RGS12: variants seen among roughly 807,000 people sequenced by gnomAD.
RGS12 encodes regulator of G-protein signaling 12.
A neutral mutation model predicts 120.1 loss-of-function variants in RGS12; 66 were observed. The observed-to-expected ratio is 0.55, with a 90% confidence interval of 0.45 to 0.67. The LOEUF (loss-of-function observed/expected upper bound fraction) is 0.67, where lower values mean the gene tolerates loss of function less well. Ranked by LOEUF, RGS12 falls within the 30% of genes least tolerant of loss-of-function variation. The pLI is 0.00. For synonymous variants in RGS12, 827 were observed against 804.7 expected (o/e 1.03, Z -0.47); for missense variants, 1,859 against 1,957.7 (o/e 0.95, Z 0.95).
At chr4:3,423,329 A>G (rs1488767945) in intron 12 of RGS12, among the ~76,000 whole-genome samples, 186 bp from the exon 13 acceptor site, 1 of 152,224 alleles carries the variant, frequency 6.6e-6, no homozygotes, top group Non-Finnish European at 1.5e-5. Context: ...GGAGGAGACC[A>G]TAGCCCTTGC....
intron 4 of RGS12, among the ~76,000 whole-genome samples, chr4:3,412,588 G>A (rs752030487): frequency 2.0e-5 from 3 of 152,232 alleles, no homozygotes; most frequent in Admixed American, 6.5e-5. Flanking sequence ...CTTATCCTGC[G>A]CACCGTGCCA....
At chr4:3,429,995 G>A (rs1330291969) in intron 16 of RGS12, among the ~76,000 whole-genome samples, 3 of 152,184 alleles carry the variant, frequency 2.0e-5, no homozygotes, top group African/African-American at 4.8e-5. Flanking sequence ...GGACCCGGGC[G>A]GGTGCTTCAG....
intron 3 of RGS12, among the ~76,000 whole-genome samples, chr4:3,384,258 G>A (rs1718579261): frequency 6.6e-6 from 1 of 152,094 alleles, no homozygotes. Flanking sequence ...GGGTTCAAGC[G>A]ATTCTCCTGC....
chr4:3,407,881 T>C (rs1721329249), intron 4 of RGS12, among the ~76,000 whole-genome samples: 1 of 152,344 alleles, frequency 6.6e-6, no homozygotes, highest in East Asian at 1.9e-4. Flanking sequence ...CACCAATATA[T>C]ACATGGCGGC....
chr4:3,439,889 C>A lies in RGS12; in HGVS notation c.*205C>A. ...TCCCTGGCCCTGGCCTCCTGCTGCC[C>A]AATAAAGCATTTCTGAGGACCCAAG... On this transcript the variant is annotated 3_prime_UTR_variant, in exon 18 of 18. Coordinates refer to ENST00000336727, the MANE Select transcript of RGS12 (RefSeq NM_001394154.1). The A allele has an allele frequency of 1.9e-6, 1 of 521,076 alleles. No homozygotes were observed. The highest frequency in any genetic ancestry group is 3.3e-6 in the Non-Finnish European group (1 of 303,462). 32.3% of individuals were successfully genotyped at this position (521,076 alleles called of 1,614,324 possible). A position where few individuals can be genotyped will look rare whatever the true frequency, so the allele number is the denominator to read the frequency against.
chr4:3,308,345 A>C (rs1171968984), intron 1 of RGS12, among the ~76,000 whole-genome samples: 1 of 152,258 alleles, frequency 6.6e-6, no homozygotes, highest in Non-Finnish European at 1.5e-5. Flanking sequence ...TCACTGTCAC[A>C]GGACTCAGGG....
chr4:3,371,666 C>T (rs1225282019), intron 3 of RGS12, among the ~76,000 whole-genome samples: 2 of 152,108 alleles, frequency 1.3e-5, no homozygotes, highest in Admixed American at 6.5e-5. Context: ...AGAGGCACAG[C>T]GGGTGGGTGG....
intron 17 of RGS12, 148 bp from the exon 18 acceptor site, chr4:3,439,307 C>G (rs907603884): frequency 3.8e-6 from 3 of 784,596 alleles, no homozygotes; most frequent in Non-Finnish European, 6.4e-6. Context: ...AGGCCCACAG[C>G]GGGACGCCAG....
Position 3,423,784 on chromosome 4 carries a change from C to G in RGS12, c.3234+143C>G, listed in dbSNP as rs1723298741. ...GTTGTCCCCCTTGGAGGAGAGGAGACAGCCTCTGCCATCCCCAGTTCTCGT... is the reference window on the plus strand; with the variant it reads ...GTTGTCCCCCTTGGAGGAGAGGAGAGAGCCTCTGCCATCCCCAGTTCTCGT... On this transcript the variant is annotated intron_variant, in intron 13 of 17. Transcript: ENST00000336727. The G allele has an allele frequency of 7.1e-6, 7 of 979,306 alleles. No individual in the cohort carries two copies. In the South Asian group the frequency reaches 1.2e-4, roughly 17 times the overall value. The allele number at this position is 979,306 out of a possible 1,614,324, so 60.7% of individuals were successfully genotyped here. A position where few individuals can be genotyped will look rare whatever the true frequency, so the allele number is the denominator to read the frequency against.
intron 4 of RGS12, among the ~76,000 whole-genome samples, chr4:3,398,133 C>T (rs1720228846): frequency 6.6e-6 from 1 of 152,088 alleles, no homozygotes; most frequent in South Asian, 2.1e-4. Context: ...TGATAACTGC[C>T]ATTATTTGTA....
chr4:3,362,531 TTGTGAGGGTTTG>T (rs1279799655), intron 3 of RGS12, among the ~76,000 whole-genome samples: 2 of 120,404 alleles, frequency 1.7e-5, no homozygotes, highest in East Asian at 2.6e-4. Context: ...TGAGGGTGTG[TTGTGAGGGTTTG>T]TGTGAGGGTG....
chr4:3,428,008 A>G (rs749538778), intron 14 of RGS12, 82 bp from the exon 15 acceptor site: 146 of 1,332,972 alleles, frequency 1.1e-4, no homozygotes, highest in Non-Finnish European at 1.5e-4. Flanking sequence ...CTTTGCTCTC[A>G]GAGACAGTAG....
intron 2 of RGS12, among the ~76,000 whole-genome samples, chr4:3,319,230 C>T (rs1013657203): frequency 1.3e-5 from 2 of 152,132 alleles, no homozygotes; most frequent in African/African-American, 2.4e-5. Context: ...TTCAAGACTG[C>T]CGTGAGCTGT....
intron 3 of RGS12, 84 bp downstream of exon 3, chr4:3,343,137 T>C (rs1343813436): frequency 1.0e-6 from 1 of 979,500 alleles, no homozygotes; most frequent in Non-Finnish European, 1.6e-6. Context: ...TGGCTGTTTT[T>C]TGAGTCCCTG....
intron 2 of RGS12, among the ~76,000 whole-genome samples, chr4:3,335,937 A>G (rs1168923369): frequency 1.3e-5 from 2 of 152,196 alleles, no homozygotes; most frequent in East Asian, 3.9e-4. Flanking sequence ...TAAAAATACA[A>G]AAAAATTATC....
intron 4 of RGS12, among the ~76,000 whole-genome samples, chr4:3,401,454 G>T (rs540644442): frequency 1.3e-5 from 2 of 152,238 alleles, no homozygotes; most frequent in Non-Finnish European, 2.9e-5. Flanking sequence ...GTTTGTCACA[G>T]TGTTCCTTTC....
intron 2 of RGS12, among the ~76,000 whole-genome samples, chr4:3,337,417 A>T (rs1712598805): frequency 6.6e-6 from 1 of 152,250 alleles, no homozygotes; most frequent in Non-Finnish European, 1.5e-5. Flanking sequence ...CTCTTTATAC[A>T]CATGTTCATA....
intron 2 of RGS12, among the ~76,000 whole-genome samples, chr4:3,320,430 C>T (rs896813700): frequency 1.3e-5 from 2 of 152,186 alleles, no homozygotes; most frequent in African/African-American, 4.8e-5. Context: ...GCGGTCACTG[C>T]TTTGCAGAGT....
Position 3,317,839 on chromosome 4 carries a change from T to C in RGS12, c.1669T>C (p.Tyr557His). Residue 557 changes from tyrosine (Y) to histidine (H), a missense_variant, in exon 2 of 18, where the codon TAC (tyrosine) becomes CAC (histidine). Physicochemically the swap from Tyr to His is moderately conservative, Grantham distance 83. Around this residue, in one of 3 missense-constraint regions of RGS12, gnomAD observed 967 missense variants for 994.2 expected, o/e 0.97. Transcript: ENST00000336727. ...CGGACACACCAGCGACCAGGACTCT[T>C]ACACAGATTCCACCGATGGCTGGTC... ...QCGHTSDQDSYTDSTDGWSSI... is the reference protein window; with the variant it reads ...QCGHTSDQDSHTDSTDGWSSI... 2 of 1,613,578 alleles carry C rather than the reference T, an allele frequency of 1.2e-6. No homozygotes were observed. Among genetic ancestry groups the C allele is most frequent in the Non-Finnish European group, 1.7e-6 (2 of 1,179,940 alleles).
Sources: allele counts gnomAD v4.1 joint callset (sites outside exome capture counted in the v4.1 genomes callset), GRCh38; gene constraint gnomAD v4.1.1; regional missense constraint gnomAD v4.1.1; transcripts MANE v1.5; gene names NCBI Gene and HGNC (gene_info 2026-07-23, HGNC 2026-07-21).